The following SCTR variants were observed in gnomAD, a reference collection of about 807,000 sequenced individuals.
SCTR encodes the protein secretin receptor.
SCTR carries 56 observed loss-of-function variants against 60.8 expected under a neutral mutation model. The ratio of observed to expected loss-of-function variants is 0.92; its 90% CI spans 0.74 to 1.15. The LOEUF is 1.15. Among genes scored for constraint, SCTR ranks in the 50% most tolerant of loss-of-function variants. SCTR has a pLI of 0.00. For missense variants in SCTR, 562 were observed against 550.4 expected (o/e 1.02, Z -0.21); for synonymous variants, 202 against 217.0 (o/e 0.93, Z 0.61).
intron 9 of SCTR, among the ~76,000 whole-genome samples, chr2:119,450,931 C>T (rs1011563868): frequency 6.6e-6 from 1 of 152,154 alleles, no homozygotes; most frequent in Non-Finnish European, 1.5e-5. Flanking sequence ...CCACTGCGCT[C>T]CAGCCTGGGT....
In SCTR at chr2:119,461,985, C is replaced by A. The variant is rs17853467; in HGVS notation, c.652G>T (p.Val218Phe). ...CDAHRAGCKL[V>F]MVLFQYCIMA... ...ATGCAGTACTGGAACAGCACCATGA[C>A]CAGCTTGCAGCCCGCCTGGAGAGAG... The change falls in exon 7 of 13, where the codon GTC (valine) becomes TTC (phenylalanine). Residue 218 changes from valine to phenylalanine, a missense_variant. Physicochemically the swap from Val to Phe is conservative, Grantham distance 50. Coordinates refer to ENST00000019103, the MANE Select transcript of SCTR (RefSeq NM_002980.3). The A allele has an allele frequency of 1.0e-5, 16 of 1,605,404 alleles. No individual in the cohort carries two copies. The highest frequency in any genetic ancestry group is 1.4e-5 in the Non-Finnish European group (16 of 1,175,816).
At chr2:119,473,354 T>C (rs2104830185) in intron 4 of SCTR, 99 bp downstream of exon 4, 1 of 774,122 alleles carries the variant, frequency 1.3e-6, no homozygotes, top group South Asian at 1.6e-5. Flanking sequence ...GTCCCAGGCC[T>C]GTGCCACCCT....
At chr2:119,452,271 G>A (rs987916222) in intron 8 of SCTR, among the ~76,000 whole-genome samples, 192 bp from the exon 9 acceptor site, 1 of 152,206 alleles carries the variant, frequency 6.6e-6, no homozygotes, top group Non-Finnish European at 1.5e-5. Flanking sequence ...GGGGCTGAGG[G>A]AGTGGCCACC....
At chr2:119,480,411 C>A (rs1032516460) in intron 2 of SCTR, among the ~76,000 whole-genome samples, 1 of 152,158 alleles carries the variant, frequency 6.6e-6, no homozygotes, top group Non-Finnish European at 1.5e-5. Flanking sequence ...TTCACTATCA[C>A]GAGAACAGCA....
chr2:119,522,683 C>A (rs553113623), intron 1 of SCTR, among the ~76,000 whole-genome samples: 4 of 152,154 alleles, frequency 2.6e-5, no homozygotes, highest in Non-Finnish European at 5.9e-5. Context: ...GTACCAGTTA[C>A]GACAGTCTCA....
intron 2 of SCTR, among the ~76,000 whole-genome samples, chr2:119,488,406 C>T (rs996072623): frequency 4.6e-5 from 7 of 152,178 alleles, no homozygotes; most frequent in African/African-American, 1.7e-4. Context: ...CCAGGTCCCC[C>T]CAGTGAGTGT....
At chr2:119,453,573 C>T (rs1247926180) in intron 7 of SCTR, among the ~76,000 whole-genome samples, 1 of 152,220 alleles carries the variant, frequency 6.6e-6, no homozygotes, top group Non-Finnish European at 1.5e-5. Flanking sequence ...TCAGAAGGAT[C>T]CCAAAGGCCA....
In SCTR at chr2:119,473,540, G is replaced by T. The variant is rs375106879; in HGVS notation, c.318C>A (p.Asn106Lys). The change falls in exon 4 of 13, where the codon AAC (asparagine) becomes AAA (lysine). Residue 106 changes from asparagine (N) to lysine (K), a missense_variant. Asn to Lys is a moderately conservative substitution (Grantham distance 94). Transcript: ENST00000019103. Reference protein sequence around the residue: ...LTSRNGSLFRNCTQDGWSETF... With the variant: ...LTSRNGSLFRKCTQDGWSETF... The stretch of plus-strand genomic sequence containing the variant: ...TTTCTGACCAGCCATCCTGTGTGCA[G>T]TTTCGGAACAAGGAACCTGTGGGTG... 1.2e-6 allele frequency: 2 copies of T among 1,613,780 alleles called. No homozygotes were observed. Among genetic ancestry groups the T allele is most frequent in the Non-Finnish European group, 1.7e-6 (2 of 1,179,756 alleles).
intron 7 of SCTR, among the ~76,000 whole-genome samples, chr2:119,453,844 C>T (rs1162685964): frequency 6.6e-6 from 1 of 152,156 alleles, no homozygotes; most frequent in African/African-American, 2.4e-5. Context: ...TAAGGTAAGC[C>T]ATCACTGTCA....
intron 2 of SCTR, among the ~76,000 whole-genome samples, chr2:119,481,056 C>A (rs993117657): frequency 3.9e-5 from 6 of 152,236 alleles, no homozygotes; most frequent in Non-Finnish European, 8.8e-5. Context: ...CCAGAGCAGG[C>A]ACTGGGACTG....
At chr2:119,451,765 C>T (rs1340217621) in intron 9 of SCTR, among the ~76,000 whole-genome samples, 4 of 152,226 alleles carry the variant, frequency 2.6e-5, no homozygotes, top group Non-Finnish European at 4.4e-5. Context: ...ACTTGAGCTG[C>T]TGCTTGTGGG....
chr2:119,516,964 G>T (rs1371996673), intron 1 of SCTR, among the ~76,000 whole-genome samples: 1 of 152,058 alleles, frequency 6.6e-6, no homozygotes, highest in African/African-American at 2.4e-5. Context: ...GCGAAATTCT[G>T]TCTCAAAAGT....
chr2:119,444,256 T>C (rs192276612), intron 11 of SCTR, among the ~76,000 whole-genome samples: 1,139 of 108,126 alleles, frequency 0.011, 96 homozygotes, highest in African/African-American at 0.032. Context: ...CACATATACA[T>C]ATGAATATAT....
intron 7 of SCTR, among the ~76,000 whole-genome samples, chr2:119,454,313 C>T (rs964449792): frequency 1.3e-5 from 2 of 152,152 alleles, no homozygotes; most frequent in Non-Finnish European, 1.5e-5. Context: ...GCGGCCAGCA[C>T]TACCCTCACC....
chr2:119,447,408 T>C lies in SCTR; in HGVS notation c.1014-523A>G, dbSNP rs1319241787. Among the ~76,000 whole-genome samples, 4 of 152,166 alleles carry C rather than the reference T, an allele frequency of 2.6e-5. No individual in the cohort carries two copies. The East Asian group carries it at 5.8e-4, about 22-fold the overall frequency. The stretch of plus-strand genomic sequence containing the variant: ...ATATTGAAAAACGATTTGTTGTTTA[T>C]CCAAAATTCAAATGTAACTGGGCAT... On this transcript the variant is annotated intron_variant, in intron 10 of 12. Transcript: ENST00000019103.
intron 1 of SCTR, among the ~76,000 whole-genome samples, chr2:119,498,870 G>A (rs1210246627): frequency 6.6e-6 from 1 of 151,906 alleles, no homozygotes; most frequent in Non-Finnish European, 1.5e-5. Context: ...GCAGATTGAA[G>A]CCCTCACATA....
rs1679386649 is a variant in SCTR, at chr2:119,524,358, C to T, written c.-132G>A. On this transcript the variant is annotated 5_prime_UTR_variant, in exon 1 of 13. Coordinates refer to ENST00000019103, the MANE Select transcript of SCTR (RefSeq NM_002980.3). Reference sequence around the variant, plus strand: ...TGCGCCCCGAGGAGCCATGGCTGAGCCACCCGACCTGCGGCGGGCCCCGGG... The same window carrying T: ...TGCGCCCCGAGGAGCCATGGCTGAGTCACCCGACCTGCGGCGGGCCCCGGG... The T allele has an allele frequency of 1.9e-6, 1 of 526,584 alleles. No homozygotes were observed. The allele number at this position is 526,584 out of a possible 1,614,324, so 32.6% of individuals were successfully genotyped here. A position where few individuals can be genotyped will look rare whatever the true frequency, so the allele number is the denominator to read the frequency against.
chr2:119,453,167 T>C, intron 8 of SCTR, 120 bp downstream of exon 8: 2 of 759,006 alleles, frequency 2.6e-6, no homozygotes, highest in South Asian at 3.2e-5. Context: ...AGGGAACTCA[T>C]CTGTGGCCTC....
At chr2:119,491,465 C>G (rs900260446) in intron 2 of SCTR, among the ~76,000 whole-genome samples, 2 of 152,182 alleles carry the variant, frequency 1.3e-5, no homozygotes, top group African/African-American at 4.8e-5. Flanking sequence ...GACCCACATA[C>G]TGTTCTTATC....
Sources: allele counts gnomAD v4.1 joint callset (sites outside exome capture counted in the v4.1 genomes callset), GRCh38; gene constraint gnomAD v4.1.1; transcripts MANE v1.5; gene names NCBI Gene and HGNC (gene_info 2026-07-23, HGNC 2026-07-21).